PGM2L1: variants seen among roughly 807,000 people sequenced by gnomAD.
PGM2L1 encodes the protein glucose 1,6-bisphosphate synthase.
PGM2L1 carries 35 observed loss-of-function variants against 73.4 expected under a neutral mutation model. The observed-to-expected ratio is 0.48, with a 90% CI of 0.36 to 0.63. The LOEUF (loss-of-function observed/expected upper bound fraction) is 0.63. PGM2L1 is among the 30% of genes least tolerant of loss of function. The pLI, the probability that PGM2L1 is intolerant of heterozygous loss-of-function variation, is 0.00. For synonymous variants in PGM2L1, 225 were observed against 253.8 expected, an observed-to-expected ratio of 0.89 and a Z score of 1.08; for missense variants, 570 against 742.0, an observed-to-expected ratio of 0.77 and a Z score of 2.69.
chr11:74,384,908 C>T lies in PGM2L1; in HGVS notation c.112-10326G>A, dbSNP rs374600802. On this transcript the variant is annotated intron_variant, in intron 1 of 13. Coordinates refer to ENST00000298198, the MANE Select transcript of PGM2L1 (RefSeq NM_173582.6). ...AGGGCCTAGATTCCAACTTTTGTCC[C>T]GCTATACTAGCAAGGCTAACAAAAA... Among the ~76,000 whole-genome samples, 72 of 152,266 alleles carry T rather than the reference C, an allele frequency of 4.7e-4. No homozygotes were observed. The South Asian group carries it at 0.011, about 23-fold the overall frequency.
intron 1 of PGM2L1, among the ~76,000 whole-genome samples, chr11:74,396,212 G>A (rs1489134209): frequency 1.3e-5 from 2 of 151,032 alleles, no homozygotes; most frequent in South Asian, 2.1e-4. Context: ...TGAGTGCAGT[G>A]AGCGGAGATC....
At chr11:74,374,066 AAAAAAAC>A (rs1335631559) in intron 2 of PGM2L1, among the ~76,000 whole-genome samples, 2 of 149,502 alleles carry the variant, frequency 1.3e-5, no homozygotes, top group African/African-American at 2.4e-5. Flanking sequence ...AAAAAAAAAA[AAAAAAAC>A]CAGACTGAGA....
Position 74,342,658 on chromosome 11 carries a change from A to G in PGM2L1, c.1443-8T>C. ...GAAATATGATAACCATATCTGTGCA[A>G]AGATTCAAAGTGCTAAAATTAGATT... On this transcript the variant is annotated splice_region_variant and splice_polypyrimidine_tract_variant and intron_variant, in intron 11 of 13. Transcript: ENST00000298198. 4 of 1,522,816 alleles carry G rather than the reference A, an allele frequency of 2.6e-6. No homozygotes were observed. Among genetic ancestry groups the G allele is most frequent in the Non-Finnish European group, 2.6e-6 (3 of 1,132,322 alleles). 94.3% of individuals were successfully genotyped at this position (1,522,816 alleles called of 1,614,324 possible). A position where few individuals can be genotyped will look rare whatever the true frequency, so the allele number is the denominator to read the frequency against.
chr11:74,342,971 A>T lies in PGM2L1; in HGVS notation c.1356T>A (p.Ser452Arg). 2 of 1,610,236 alleles carry T rather than the reference A, an allele frequency of 1.2e-6. No individual in the cohort carries two copies. Among genetic ancestry groups the T allele is most frequent in the Non-Finnish European group, 1.7e-6 (2 of 1,178,266 alleles). Residue 452 changes from serine to arginine, a missense_variant, in exon 11 of 14, where the codon AGT (serine) becomes AGA (arginine). Physicochemically the swap from Ser to Arg is moderately radical, Grantham distance 110 (BLOSUM62 -1). Transcript: ENST00000298198. ...CCATCTCAGCAACCACAACAGCTGC[A>T]CTCACCCCATCTTTATCCAAAACTG... ...GTSVLDKDGV[S>R]AAVVVAEMAS...
intron 2 of PGM2L1, 152 bp from the exon 3 acceptor site, chr11:74,371,969 T>C (rs1432293330): frequency 3.2e-6 from 2 of 624,958 alleles, no homozygotes; most frequent in Non-Finnish European, 5.7e-6. Flanking sequence ...GTGGGAGCAA[T>C]ACTGTTCAAT....
chr11:74,364,958 C>T (rs1290356589), intron 5 of PGM2L1, among the ~76,000 whole-genome samples: 1 of 152,140 alleles, frequency 6.6e-6, no homozygotes, highest in Non-Finnish European at 1.5e-5. Context: ...TACCTGACTT[C>T]AAACTATACT....
At chr11:74,383,479 CAGATACATGTGCCAGTTA>C (rs1862976039) in intron 1 of PGM2L1, among the ~76,000 whole-genome samples, 1 of 151,908 alleles carries the variant, frequency 6.6e-6, no homozygotes, top group African/African-American at 2.4e-5. Flanking sequence ...TTTTATATTC[CAGATACATGTGCCAGTTA>C]CATAGGTAAA....
At chr11:74,360,764 G>A (rs1862549880) in intron 5 of PGM2L1, among the ~76,000 whole-genome samples, 1 of 152,212 alleles carries the variant, frequency 6.6e-6, no homozygotes, top group Non-Finnish European at 1.5e-5. Context: ...TCCCGAGCCT[G>A]GCTCGGAGGG....
intron 3 of PGM2L1, 52 bp downstream of exon 3, chr11:74,371,658 TA>T: frequency 6.7e-7 from 1 of 1,499,512 alleles, no homozygotes; most frequent in Non-Finnish European, 9.3e-7. Flanking sequence ...AAAAATGTTT[TA>T]AATATGTTTT....
chr11:74,337,203 C>T (rs1862110817), intron 13 of PGM2L1, among the ~76,000 whole-genome samples: 1 of 152,220 alleles, frequency 6.6e-6, no homozygotes, highest in Non-Finnish European at 1.5e-5. Context: ...TAAATGTGCA[C>T]TTAAAAGAAG....
rs192604763 is a variant in PGM2L1 at position 74,354,442 on chromosome 11, C to T, written c.556-2866G>A. On this transcript the variant is annotated intron_variant, in intron 5 of 13. Transcript: ENST00000298198. Reference sequence around the variant, plus strand: ...ATTAAAGTCTCCTTCCCCCTGCTGTCATGTCTAAGTCAGAGTCTCCTAAAG... The same window carrying T: ...ATTAAAGTCTCCTTCCCCCTGCTGTTATGTCTAAGTCAGAGTCTCCTAAAG... The T allele has an allele frequency of 5.5e-6, 4 of 724,574 alleles. No individual in the cohort carries two copies. In the East Asian group the frequency reaches 9.9e-5, roughly 18 times the overall value. The allele number at this position is 724,574 out of a possible 1,614,324, so 44.9% of individuals were successfully genotyped here.
intron 1 of PGM2L1, among the ~76,000 whole-genome samples, chr11:74,386,318 A>C (rs1000740855): frequency 3.3e-5 from 5 of 152,070 alleles, no homozygotes; most frequent in Admixed American, 6.5e-5. Context: ...GCTAAAATAA[A>C]ATATAGTTTT....
At chr11:74,357,665 A>ACACTC (rs1451463975) in intron 5 of PGM2L1, among the ~76,000 whole-genome samples, 1 of 152,208 alleles carries the variant, frequency 6.6e-6, no homozygotes, top group Non-Finnish European at 1.5e-5. Flanking sequence ...TTCAGCACTC[A>ACACTC]CACTCCTTGG....
At chr11:74,336,927 G>A (rs536761147) in intron 13 of PGM2L1, among the ~76,000 whole-genome samples, 173 bp from the exon 14 acceptor site, 6 of 151,982 alleles carry the variant, frequency 3.9e-5, no homozygotes, top group Non-Finnish European at 7.4e-5. Flanking sequence ...TACACACAAA[G>A]AAAACACTGC....
intron 13 of PGM2L1, among the ~76,000 whole-genome samples, chr11:74,338,090 G>T (rs1206673697): frequency 1.3e-5 from 2 of 152,122 alleles, no homozygotes; most frequent in Admixed American, 6.6e-5. Flanking sequence ...TTAAAAAAAG[G>T]AATAAATTCA....
In PGM2L1 at chr11:74,369,970, C is replaced by T. The variant is rs186469759; in HGVS notation, c.471+932G>A. Among the ~76,000 whole-genome samples, 338 of 152,190 alleles carry T rather than the reference C, an allele frequency of 2.2e-3. 2 individuals are homozygous for T. Among genetic ancestry groups the T allele is most frequent in the Non-Finnish European group, 3.5e-3 (235 of 67,990 alleles). ...TTGTGTTGGTCAGGCTGGTCTCAAA[C>T]TCCTGACCTCAGGTGATCCACACAC... On this transcript the variant is annotated intron_variant, in intron 4 of 13. Transcript: ENST00000298198.
chr11:74,383,824 A>ATATATATATATAT (rs1862982924), intron 1 of PGM2L1, among the ~76,000 whole-genome samples: 8 of 121,836 alleles, frequency 6.6e-5, no homozygotes, highest in Non-Finnish European at 1.2e-4. Flanking sequence ...TATATAAATA[A>ATATATATATATAT]ATATATATAT....
At chr11:74,385,821 T>G (rs1344164889) in intron 1 of PGM2L1, among the ~76,000 whole-genome samples, 1 of 152,078 alleles carries the variant, frequency 6.6e-6, no homozygotes, top group East Asian at 1.9e-4. Flanking sequence ...TCCATATTCT[T>G]CTGAAATTAG....
At chr11:74,387,515 C>T (rs900230403) in intron 1 of PGM2L1, among the ~76,000 whole-genome samples, 2 of 152,102 alleles carry the variant, frequency 1.3e-5, no homozygotes, top group Non-Finnish European at 2.9e-5. Context: ...ACAATACATA[C>T]GCTATACTTA....
Sources: gnomAD v4.1 joint callset for allele counts (sites outside exome capture counted in the v4.1 genomes callset) on GRCh38, gnomAD v4.1.1 for gene constraint, MANE v1.5 for transcripts, NCBI Gene and HGNC (gene_info 2026-07-23, HGNC 2026-07-21) for gene names.